The following PTPN18 variants were observed in gnomAD, a reference collection of about 807,000 sequenced individuals.
PTPN18 encodes protein tyrosine phosphatase non-receptor type 18, also known as tyrosine-protein phosphatase non-receptor type 18.
Under a neutral mutation model 65.4 loss-of-function variants are expected in PTPN18, and 65 were observed. That is an observed-to-expected ratio of 0.99 (90% CI 0.81 to 1.22). The LOEUF (loss-of-function observed/expected upper bound fraction) is 1.22, where lower values mean the gene tolerates loss of function less well. Ranked by LOEUF, PTPN18 falls within the 50% of genes most tolerant of loss-of-function variation. The probability of loss-of-function intolerance (pLI) is 0.00; values close to 1 mark genes in which losing one functional copy is unlikely to be tolerated. For synonymous variants in PTPN18, 255 were observed against 267.8 expected, an observed-to-expected ratio of 0.95 and a Z score of 0.47; for missense variants, 616 against 646.5, an observed-to-expected ratio of 0.95 and a Z score of 0.51.
Position 130,371,288 on chromosome 2 carries a change from GTACCCGGC to G in PTPN18, c.1013+3_1013+10del. On this transcript the variant is annotated splice_donor_variant and splice_donor_5th_base_variant and intron_variant, in intron 12 of 14. Coordinates refer to ENST00000175756, the MANE Select transcript of PTPN18 (RefSeq NM_014369.4). LOFTEE classifies it high-confidence loss of function. ...CCCGCCCACCAGGAGGGGTCCTCAGGTACCCGGCTCCATCCCCGGATTCTTCCCTGCCC... is the reference window on the plus strand; with the variant it reads ...CCCGCCCACCAGGAGGGGTCCTCAGGTCCATCCCCGGATTCTTCCCTGCCC... 4 of 1,584,916 alleles carry G rather than the reference GTACCCGGC, an allele frequency of 2.5e-6. No individual in the cohort carries two copies. Among genetic ancestry groups the G allele is most frequent in the Non-Finnish European group, 3.4e-6 (4 of 1,160,098 alleles).
chr2:130,369,232 C>T (rs180978340), intron 6 of PTPN18, 31 bp downstream of exon 6: 18,224 of 1,591,376 alleles, frequency 0.011, 133 homozygotes, highest in Non-Finnish European at 0.014. Flanking sequence ...AGGAAGATTC[C>T]CAGGGTGGAA....
At chr2:130,367,323 TCTTAA>T (rs1680417878) in intron 5 of PTPN18, among the ~76,000 whole-genome samples, 1 of 152,154 alleles carries the variant, frequency 6.6e-6, no homozygotes, top group African/African-American at 2.4e-5. Context: ...TTGCTATAAT[TCTTAA>T]CTTTGTTCCT....
At position 130,358,893 on chromosome 2, in the gene PTPN18, G is replaced by T; in HGVS notation, c.120G>T (p.Trp40Cys). 6.2e-7 allele frequency: 1 copy of T among 1,613,786 alleles called. No homozygotes were observed. The highest frequency in any genetic ancestry group is 8.5e-7 in the Non-Finnish European group (1 of 1,179,710). Residue 40 changes from tryptophan (W) to cysteine (C), a missense_variant, in exon 2 of 15, where the codon TGG (tryptophan) becomes TGT (cysteine). This residue lies in a region of PTPN18 where 223 missense variants were observed against 210.0 expected (regional missense o/e 1.06). Coordinates refer to ENST00000175756, the MANE Select transcript of PTPN18 (RefSeq NM_014369.4). ...FSDIQACSAA[W>C]KADGVCSTVA... Reference sequence around the variant, plus strand: ...ACATCCAGGCCTGCTCGGCCGCCTGGAAGGCTGACGGCGTGTGCTCCACCG... The same window carrying T: ...ACATCCAGGCCTGCTCGGCCGCCTGTAAGGCTGACGGCGTGTGCTCCACCG...
At position 130,356,071 on chromosome 2, in the gene PTPN18, G is replaced by A; in HGVS notation, c.-37G>A. 1.7e-6 allele frequency: 2 copies of A among 1,207,070 alleles called. No individual in the cohort carries two copies. Among genetic ancestry groups the A allele is most frequent in the Non-Finnish European group, 2.1e-6 (2 of 966,096 alleles). 74.8% of individuals were successfully genotyped at this position (1,207,070 alleles called of 1,614,324 possible). A position where few individuals can be genotyped will look rare whatever the true frequency, so the allele number is the denominator to read the frequency against. On this transcript the variant is annotated 5_prime_UTR_variant, in exon 1 of 15. Coordinates refer to ENST00000175756, the MANE Select transcript of PTPN18 (RefSeq NM_014369.4). ...CGCGGCGTCCACACTCGCCGCGCGC[G>A]CGGCGGCCGGGCTGGACCTTGCTGG...
rs752269012 is a variant in PTPN18, at chr2:130,359,611, A to G, written c.379A>G (p.Ile127Val). The G allele has an allele frequency of 1.9e-5, 30 of 1,613,856 alleles. No individual in the cohort carries two copies. The Admixed American group carries it at 5.0e-4, about 27-fold the overall frequency. Reference protein sequence around the residue: ...RLVWEFGVKVILMACREIENG... With the variant: ...RLVWEFGVKVVLMACREIENG... The stretch of plus-strand genomic sequence containing the variant: ...TCCCCTGACCCTCCTTGTCTAGGTG[A>G]TCCTGATGGCCTGTCGAGAGATAGA... The change falls in exon 5 of 15, where the codon ATC (isoleucine) becomes GTC (valine). Residue 127 changes from isoleucine to valine, a missense_variant. By Grantham distance (29) the Ile-to-Val change is conservative (BLOSUM62 3). Around this residue, in one of 3 missense-constraint regions of PTPN18, gnomAD observed 223 missense variants for 210.0 expected, o/e 1.06. Coordinates refer to ENST00000175756, the MANE Select transcript of PTPN18 (RefSeq NM_014369.4).
intron 6 of PTPN18, 120 bp downstream of exon 6, chr2:130,369,321 C>T (rs1383033742): frequency 3.8e-5 from 35 of 920,962 alleles, no homozygotes; most frequent in Non-Finnish European, 5.7e-5. Context: ...CTGGTGTTAG[C>T]CTGCAAATAG....
chr2:130,367,560 G>C (rs965952059), intron 5 of PTPN18, among the ~76,000 whole-genome samples: 1 of 152,104 alleles, frequency 6.6e-6, no homozygotes, highest in Non-Finnish European at 1.5e-5. Context: ...TGTAATCCCA[G>C]CTACTCAGGA....
chr2:130,359,085 C>T, intron 2 of PTPN18, 110 bp downstream of exon 2: 1 of 1,439,776 alleles, frequency 6.9e-7, no homozygotes, highest in African/African-American at 1.4e-5. Flanking sequence ...GAGCCTCACC[C>T]TCTGCACTGC....
At chr2:130,357,511 T>C (rs984657183) in intron 1 of PTPN18, among the ~76,000 whole-genome samples, 1 of 152,246 alleles carries the variant, frequency 6.6e-6, no homozygotes, top group African/African-American at 2.4e-5. Flanking sequence ...ACAAAGATTA[T>C]AATTTATAAA....
intron 12 of PTPN18, 59 bp from the exon 13 acceptor site, chr2:130,372,198 C>T: frequency 1.4e-6 from 2 of 1,477,324 alleles, no homozygotes; most frequent in South Asian, 2.4e-5. Flanking sequence ...AGCAGCCTCC[C>T]CACTCCCGCC....
Position 130,373,305 on chromosome 2 carries a change from A to G in PTPN18, c.*81A>G. 1 of 1,338,540 alleles carries G rather than the reference A, an allele frequency of 7.5e-7. No individual in the cohort carries two copies. The highest frequency in any genetic ancestry group is 1.0e-6 in the Non-Finnish European group (1 of 993,588). The allele number at this position is 1,338,540 out of a possible 1,614,324, so 82.9% of individuals were successfully genotyped here. On this transcript the variant is annotated 3_prime_UTR_variant, in exon 15 of 15. Coordinates refer to ENST00000175756, the MANE Select transcript of PTPN18 (RefSeq NM_014369.4). This position sits in a 1 kb window ranked among gnomAD's most constrained non-coding sequence, Gnocchi z 4.1. Reference sequence around the variant, plus strand: ...GGTGCTGCTGAGCGCCGTGCGCAGAATGGAAACAGTGGGCCTGGATCAAAG... The same window carrying G: ...GGTGCTGCTGAGCGCCGTGCGCAGAGTGGAAACAGTGGGCCTGGATCAAAG...
At chr2:130,364,469 A>G (rs1050856344) in intron 5 of PTPN18, among the ~76,000 whole-genome samples, 1 of 152,182 alleles carries the variant, frequency 6.6e-6, no homozygotes, top group Non-Finnish European at 1.5e-5. Context: ...GGTTGTTTGT[A>G]CCTTTTGACT....
At chr2:130,357,077 T>C (rs937736103) in intron 1 of PTPN18, among the ~76,000 whole-genome samples, 2 of 152,082 alleles carry the variant, frequency 1.3e-5, no homozygotes, top group African/African-American at 4.8e-5. Flanking sequence ...TAATCCCAGC[T>C]ACTAGGGAGC....
Position 130,372,232 on chromosome 2 carries a change from T to TCCTCCCGGC in PTPN18, c.1014-18_1014-10dup, listed in dbSNP as rs747665126. On this transcript the variant is annotated intron_variant, in intron 12 of 14. Transcript: ENST00000175756. ...CCCTGCCCAGCGCCGCCGTTTCACT[T>TCCTCCCGGC]CCTCCCGGCCCTCCCTGCCTGCAGG... 3.8e-6 allele frequency: 6 copies of TCCTCCCGGC among 1,561,546 alleles called. No individual in the cohort carries two copies. In the Admixed American group the frequency reaches 9.0e-5, roughly 23 times the overall value.
rs1292489296 is a variant in PTPN18 at position 130,358,911 on chromosome 2, C to T, written c.138C>T (p.Cys46=). ...CSAAWKADGV[C]STVAGSRPEN... is the part of the protein sequence containing the mutation. The stretch of plus-strand genomic sequence containing the variant: ...CCGCCTGGAAGGCTGACGGCGTGTG[C>T]TCCACCGTGGCCGGCAGTCGGCCAG... The change falls in exon 2 of 15, where the codon TGC becomes TGT. Residue 46 remains cysteine (C), a synonymous_variant. Transcript: ENST00000175756. The T allele has an allele frequency of 1.9e-6, 3 of 1,614,040 alleles. No homozygotes were observed. The highest frequency in any genetic ancestry group is 1.6e-4 in the Middle Eastern group (1 of 6,084).
rs1680116604 is a variant in PTPN18, at chr2:130,359,443, C to T, written c.326C>T (p.Pro109Leu). The change falls in exon 4 of 15, where the codon CCT (proline) becomes CTT (leucine). Residue 109 changes from proline to leucine, a missense_variant. Around this residue, in one of 3 missense-constraint regions of PTPN18, gnomAD observed 223 missense variants for 210.0 expected, o/e 1.06. Transcript: ENST00000175756. ...LAYIATQGPL[P>L]HTLLDFWRLV... The stretch of plus-strand genomic sequence containing the variant: ...TACATTGCCACGCAAGGACCCTTGC[C>T]TCACACCCTGCTAGACTTCTGGAGA... The T allele has an allele frequency of 2.5e-6, 4 of 1,614,192 alleles. No individual in the cohort carries two copies. The highest frequency in any genetic ancestry group is 2.2e-5 in the East Asian group (1 of 44,878).
chr2:130,356,299 T>C, intron 1 of PTPN18, 99 bp downstream of exon 1: 1 of 838,908 alleles, frequency 1.2e-6, no homozygotes. Flanking sequence ...TGTCTCGGTG[T>C]CCCCGGTGTC....
chr2:130,371,032 G>T, intron 11 of PTPN18, 68 bp downstream of exon 11: 1 of 1,532,020 alleles, frequency 6.5e-7, no homozygotes, highest in Non-Finnish European at 9.0e-7. Context: ...CCCCGAGCAG[G>T]GTCCAGCCCC....
At chr2:130,370,996 A>C (rs1456266922) in intron 11 of PTPN18, 32 bp downstream of exon 11, 1 of 1,597,174 alleles carries the variant, frequency 6.3e-7, no homozygotes, top group Non-Finnish European at 8.6e-7. Flanking sequence ...TCTCCTGTCC[A>C]CCATCAGCAC....
Sources: gnomAD v4.1 joint callset for allele counts (sites outside exome capture counted in the v4.1 genomes callset) on GRCh38, gnomAD v4.1.1 for gene constraint, gnomAD v4.1.1 regional missense constraint, Gnocchi (gnomAD v3.1) non-coding constraint, MANE v1.5 for transcripts, NCBI Gene and HGNC (gene_info 2026-07-23, HGNC 2026-07-21) for gene names.